RFX2: variants seen among roughly 807,000 people sequenced by gnomAD.
The protein encoded by RFX2 is regulatory factor X2, also known as DNA-binding protein RFX2.
RFX2 carries 20 observed loss-of-function variants against 87.8 expected under a neutral mutation model. The observed-to-expected ratio is 0.23, with a 90% CI of 0.16 to 0.33. The LOEUF (loss-of-function observed/expected upper bound fraction) is 0.33, where lower values mean the gene tolerates loss of function less well. Among genes scored for constraint, RFX2 ranks in the 10% least tolerant of loss-of-function variants. The pLI is 1.00. For missense variants in RFX2, 767 were observed against 1,012.3 expected (o/e 0.76, Z 3.29); for synonymous variants, 397 against 431.3 (o/e 0.92, Z 0.98).
intron 3 of RFX2, among the ~76,000 whole-genome samples, chr19:6,042,451 T>A (rs1474096830): frequency 6.6e-6 from 1 of 151,532 alleles, no homozygotes. Context: ...ACTAGAGTTG[T>A]GGACAGAGGC....
chr19:6,048,957 T>G lies in RFX2; in HGVS notation c.-8-1453A>C, dbSNP rs367709375. ...TGCCTGGGGATTTTTCTGTTCTGTG[T>G]GAGCCTGACTCACTTCTCACCACTA... On this transcript the variant is annotated intron_variant, in intron 1 of 17. Coordinates refer to ENST00000303657, the MANE Select transcript of RFX2 (RefSeq NM_000635.4). Among the ~76,000 whole-genome samples, 318 of 150,276 alleles carry G rather than the reference T, an allele frequency of 2.1e-3. 3 individuals are homozygous for G. The highest frequency in any genetic ancestry group is 7.3e-3 in the African/African-American group (299 of 40,996).
chr19:6,048,672 C>A (rs1437364245), intron 1 of RFX2, among the ~76,000 whole-genome samples: 1 of 152,168 alleles, frequency 6.6e-6, no homozygotes, highest in African/African-American at 2.4e-5. Context: ...AGAACTTTTA[C>A]GTTTCTCTAT....
rs1482836130 is a variant in RFX2 at position 6,073,008 on chromosome 19, C to T, written c.-8-25504G>A. 29 of 543,870 alleles carry T rather than the reference C, an allele frequency of 5.3e-5. 1 individual carries two copies. Among genetic ancestry groups the T allele is most frequent in the South Asian group, 5.0e-4 (27 of 54,300 alleles). The allele number at this position is 543,870 out of a possible 1,614,324, so 33.7% of individuals were successfully genotyped here. On this transcript the variant is annotated intron_variant, in intron 1 of 17. Coordinates refer to ENST00000303657, the MANE Select transcript of RFX2 (RefSeq NM_000635.4). ...TTTTTTTTCTTTTTTGAGACAGAGT[C>T]TCACTCTGTTGTGCAGGCTGCAGTG...
intron 5 of RFX2, among the ~76,000 whole-genome samples, chr19:6,035,398 C>T (rs1480755909): frequency 6.6e-6 from 1 of 152,134 alleles, no homozygotes; most frequent in Non-Finnish European, 1.5e-5. Context: ...CCCTGCTCCA[C>T]GCAGTGAAAA....
At chr19:6,066,024 T>A (rs977702451) in intron 1 of RFX2, among the ~76,000 whole-genome samples, 8 of 151,860 alleles carry the variant, frequency 5.3e-5, no homozygotes, top group African/African-American at 1.9e-4. Context: ...GGGGAAGAAA[T>A]GTGTCACCCG....
chr19:6,087,155 C>A (rs548882921), intron 1 of RFX2, among the ~76,000 whole-genome samples: 1 of 152,184 alleles, frequency 6.6e-6, no homozygotes, highest in Admixed American at 6.5e-5. Flanking sequence ...ATGGTCGCAG[C>A]GGGTCAGAAG....
At position 6,004,345 on chromosome 19, in the gene RFX2, G is replaced by A. The variant is rs2086546730; in HGVS notation, c.1403-47C>T. On this transcript the variant is annotated intron_variant, in intron 12 of 17. Transcript: ENST00000303657. The surrounding 1 kb of genome is among the most constrained non-coding windows in gnomAD (Gnocchi z 4.8). ...ATTACCAGGGAGAAAGGCAGTGACTGGACCCTGGAAATCAGCATTCAGTGT... is the reference window on the plus strand; with the variant it reads ...ATTACCAGGGAGAAAGGCAGTGACTAGACCCTGGAAATCAGCATTCAGTGT... 6.8e-7 allele frequency: 1 copy of A among 1,480,158 alleles called. No individual in the cohort carries two copies. Among genetic ancestry groups the A allele is most frequent in the South Asian group, 1.1e-5 (1 of 88,270 alleles). The allele number at this position is 1,480,158 out of a possible 1,614,324, so 91.7% of individuals were successfully genotyped here. A position where few individuals can be genotyped will look rare whatever the true frequency, so the allele number is the denominator to read the frequency against.
chr19:5,996,706 C>A (rs2086417505), intron 16 of RFX2, among the ~76,000 whole-genome samples: 1 of 152,272 alleles, frequency 6.6e-6, no homozygotes, highest in South Asian at 2.1e-4. Context: ...GTGTGTGTTA[C>A]CACAATAAAC....
At chr19:6,100,651 C>T (rs1010628861) in intron 1 of RFX2, among the ~76,000 whole-genome samples, 2 of 152,078 alleles carry the variant, frequency 1.3e-5, no homozygotes, top group African/African-American at 2.4e-5. Context: ...GTTTCCTGAC[C>T]GGAAGTCTAG....
chr19:6,028,471 T>G (rs1049263923), intron 5 of RFX2, among the ~76,000 whole-genome samples: 1 of 152,228 alleles, frequency 6.6e-6, no homozygotes, highest in Non-Finnish European at 1.5e-5. Context: ...AGCTGGTAAT[T>G]TCTTAAAGGT....
In RFX2 at chr19:6,026,447, C is replaced by T. The variant is rs1047407302; in HGVS notation, c.523-210G>A. 1.0e-5 allele frequency: 6 copies of T among 591,636 alleles called. No individual in the cohort carries two copies. The highest frequency in any genetic ancestry group is 3.7e-5 in the African/African-American group (2 of 53,572). 36.6% of individuals were successfully genotyped at this position (591,636 alleles called of 1,614,324 possible). A position where few individuals can be genotyped will look rare whatever the true frequency, so the allele number is the denominator to read the frequency against. On this transcript the variant is annotated intron_variant, in intron 5 of 17. Coordinates refer to ENST00000303657, the MANE Select transcript of RFX2 (RefSeq NM_000635.4). This position sits in a 1 kb window ranked among gnomAD's most constrained non-coding sequence, Gnocchi z 4.5. ...GCGGTAGGGAGTGTTGCTTCGCACA[C>T]GTAGGTAAGCCCGAGAGCCCGTCCA...
chr19:6,089,765 A>AT (rs1449747399), intron 1 of RFX2, among the ~76,000 whole-genome samples: 2 of 152,088 alleles, frequency 1.3e-5, no homozygotes, highest in Non-Finnish European at 2.9e-5. Context: ...AGTCTCTAAT[A>AT]TTTTTGTTGT....
At chr19:6,072,549 AT>A (rs1387236011) in intron 1 of RFX2, among the ~76,000 whole-genome samples, 2 of 152,092 alleles carry the variant, frequency 1.3e-5, no homozygotes, top group Admixed American at 6.5e-5. Flanking sequence ...GAGAAAAAAA[AT>A]TAAAAATTAT....
intron 1 of RFX2, among the ~76,000 whole-genome samples, chr19:6,054,266 C>T (rs572770813): frequency 5.5e-4 from 84 of 152,172 alleles, no homozygotes; most frequent in Admixed American, 2.2e-3. Context: ...GGAAACTTCC[C>T]TACACAGAAA....
Position 6,047,576 on chromosome 19 carries a change from G to A in RFX2, c.-8-72C>T. ...TGAAATCCGAAGAGGCAACTAACAA[G>A]TTCAAGGGAGGGAAGGAGTAACCAG... On this transcript the variant is annotated intron_variant, in intron 1 of 17. Coordinates refer to ENST00000303657, the MANE Select transcript of RFX2 (RefSeq NM_000635.4). This position sits in a 1 kb window ranked among gnomAD's most constrained non-coding sequence, Gnocchi z 4.2. 8.2e-7 allele frequency: 1 copy of A among 1,216,752 alleles called. No individual in the cohort carries two copies. The highest frequency in any genetic ancestry group is 1.3e-5 in the South Asian group (1 of 77,304). The allele number at this position is 1,216,752 out of a possible 1,614,324, so 75.4% of individuals were successfully genotyped here.
At chr19:6,006,927 T>C in intron 12 of RFX2, 85 bp downstream of exon 12, 1 of 1,483,204 alleles carries the variant, frequency 6.7e-7, no homozygotes, top group Non-Finnish European at 9.2e-7. Flanking sequence ...TGGTCTGAGG[T>C]GGCTGAAGAC....
intron 5 of RFX2, among the ~76,000 whole-genome samples, chr19:6,032,840 G>C (rs2086969012): frequency 6.6e-6 from 1 of 152,220 alleles, no homozygotes; most frequent in African/African-American, 2.4e-5. Context: ...CCAGGCTGGA[G>C]TGCAGTGGCA....
rs572162483 is a variant in RFX2 at position 6,010,239 on chromosome 19, G to A, written c.912C>T (p.Ala304=). The A allele has an allele frequency of 4.5e-6, 7 of 1,547,114 alleles. No homozygotes were observed. In the Admixed American group the frequency reaches 7.8e-5, roughly 17 times the overall value. Reference sequence around the variant, plus strand: ...TGTCCCCGAGGCTGTCCGTCTTCTGGGCTGGCCGGTACCTAGGCCAGGAAC... The same window carrying A: ...TGTCCCCGAGGCTGTCCGTCTTCTGAGCTGGCCGGTACCTAGGCCAGGAAC... ...PMHQKPRYRP[A]QKTDSLGDSG... The change falls in exon 9 of 18, where the codon GCC becomes GCT. Residue 304 remains alanine (A), a synonymous_variant. Transcript: ENST00000303657. The surrounding 1 kb of genome is among the most constrained non-coding windows in gnomAD (Gnocchi z 5.0).
chr19:6,025,323 C>T (rs979894095), intron 6 of RFX2, among the ~76,000 whole-genome samples: 16 of 152,130 alleles, frequency 1.1e-4, no homozygotes, highest in Non-Finnish European at 2.1e-4. Context: ...ACTGTGATCA[C>T]GGTCTTCTCC....
Sources: allele counts gnomAD v4.1 joint callset (sites outside exome capture counted in the v4.1 genomes callset), GRCh38; gene constraint gnomAD v4.1.1; non-coding constraint Gnocchi (gnomAD v3.1); transcripts MANE v1.5; gene names NCBI Gene and HGNC (gene_info 2026-07-23, HGNC 2026-07-21).